Variants in FAM186B observed in about 807,000 individuals in gnomAD.
FAM186B encodes protein FAM186B.
A neutral mutation model predicts 83.4 loss-of-function variants in FAM186B; 68 were observed. The observed-to-expected ratio is 0.81, with a 90% CI of 0.67 to 1.00. The LOEUF (loss-of-function observed/expected upper bound fraction) is 1.00, where lower values mean the gene tolerates loss of function less well. Ranked by LOEUF, FAM186B falls within the 50% of genes least tolerant of loss-of-function variation. The probability of loss-of-function intolerance (pLI) is 0.00; values close to 1 mark genes in which losing one functional copy is unlikely to be tolerated. For synonymous variants in FAM186B, 389 were observed against 422.0 expected (o/e 0.92, Z 0.96); for missense variants, 983 against 1,099.2 (o/e 0.89, Z 1.49).
chr12:49,602,960 C>T (rs1437399162), intron 3 of FAM186B, among the ~76,000 whole-genome samples: 1 of 152,204 alleles, frequency 6.6e-6, no homozygotes, highest in Non-Finnish European at 1.5e-5. Context: ...ACACCAGAGA[C>T]CTGTCTCCAC....
At chr12:49,616,156 A>G in the FAM186B span, among the ~76,000 whole-genome samples, 2 of 152,008 alleles carry the variant, frequency 1.3e-5, no homozygotes, top group Admixed American at 6.6e-5. Context: ...CAGCCTCCCA[A>G]GTAGCTGGGA....
At chr12:49,589,508 TG>T (rs1201869679) in intron 5 of FAM186B, among the ~76,000 whole-genome samples, 1 of 152,182 alleles carries the variant, frequency 6.6e-6, no homozygotes, top group African/African-American at 2.4e-5. Context: ...ATATGAAAGA[TG>T]GATATGGATA....
At chr12:49,593,740 A>G (rs1193915820) in intron 5 of FAM186B, among the ~76,000 whole-genome samples, 1 of 152,128 alleles carries the variant, frequency 6.6e-6, no homozygotes, top group Admixed American at 6.6e-5. Context: ...TGGGAGGTCA[A>G]GGTGGCAGGA....
At position 49,600,649 on chromosome 12, in the gene FAM186B, G is replaced by A. The variant is rs1434631801; in HGVS notation, c.991C>T (p.Leu331=). ...GGGGAGTCAACAGAAACCTCAGCCA[G>A]GTCTTCTGCCTGACCTGTAGCATTC... ...AQNATGQAED[L]AEVSVDSPGP... is the part of the protein sequence containing the mutation. Residue 331 remains leucine, a synonymous_variant, in exon 4 of 7, where the codon CTG becomes TTG. Transcript: ENST00000257894. This position sits in a 1 kb window ranked among gnomAD's most constrained non-coding sequence, Gnocchi z 4.3. The A allele has an allele frequency of 1.2e-6, 2 of 1,613,810 alleles. No homozygotes were observed. The highest frequency in any genetic ancestry group is 1.7e-6 in the Non-Finnish European group (2 of 1,179,918).
At chr12:49,599,345 T>C in intron 4 of FAM186B, 124 bp downstream of exon 4, 5 of 1,384,556 alleles carry the variant, frequency 3.6e-6, no homozygotes, top group Non-Finnish European at 2.8e-6. Context: ...CAGGAGACCC[T>C]GTCCAGGCCT....
chr12:49,609,923 G>A (rs941303520), upstream of FAM186B, among the ~76,000 whole-genome samples: 1 of 152,190 alleles, frequency 6.6e-6, no homozygotes, highest in African/African-American at 2.4e-5. Flanking sequence ...GCAACAGAGA[G>A]CTTCTGCCAG....
At position 49,598,929 on chromosome 12, in the gene FAM186B, A is replaced by C; in HGVS notation, c.2190T>G (p.His730Gln). The C allele has an allele frequency of 6.2e-7, 1 of 1,613,580 alleles. No individual in the cohort carries two copies. The highest frequency in any genetic ancestry group is 8.5e-7 in the Non-Finnish European group (1 of 1,179,924). ...LQSLRQEAINHVQIMKETEAS... is the reference protein window; with the variant it reads ...LQSLRQEAINQVQIMKETEAS... ...CCTCCGTTTCTTTCATGATTTGTACATGGTTGATCGCTTCTTGCCTGGGAA... is the reference window on the plus strand; with the variant it reads ...CCTCCGTTTCTTTCATGATTTGTACCTGGTTGATCGCTTCTTGCCTGGGAA... Residue 730 changes from histidine to glutamine, a missense_variant, in exon 5 of 7, where the codon CAT becomes CAG. Physicochemically the swap from His to Gln is conservative, Grantham distance 24. Transcript: ENST00000257894.
chr12:49,604,228 A>G, intron 2 of FAM186B, 85 bp downstream of exon 2: 1 of 1,028,098 alleles, frequency 9.7e-7, no homozygotes, highest in Non-Finnish European at 1.5e-6. Context: ...TTCACTGGAG[A>G]AGGGGATGTG....
In FAM186B at chr12:49,603,427, AG is replaced by A. The variant is rs140851256; in HGVS notation, c.323-61del. On this transcript the variant is annotated intron_variant, in intron 2 of 6. Coordinates refer to ENST00000257894, the MANE Select transcript of FAM186B (RefSeq NM_032130.3). ...GTCTGTCCTCCAGGGGGACACAGAC[AG>A]CCCTATAGCACAGGGGTTCCAGCAG... 4,667 of 1,550,578 alleles carry A rather than the reference AG, an allele frequency of 3.0e-3. 115 individuals carry two copies. In the African/African-American group the frequency reaches 0.056, roughly 18 times the overall value.
chr12:49,590,060 T>C (rs12298155), intron 5 of FAM186B, among the ~76,000 whole-genome samples: 663 of 150,770 alleles, frequency 4.4e-3, no homozygotes, highest in African/African-American at 0.016. Context: ...TCAGCTGTTA[T>C]CTCTTTGGCC....
downstream of FAM186B, among the ~76,000 whole-genome samples, chr12:49,585,126 C>G (rs974162972): frequency 6.6e-6 from 1 of 152,204 alleles, no homozygotes; most frequent in Non-Finnish European, 1.5e-5. Context: ...TCACACCACT[C>G]TCCTGCCTCA....
downstream of FAM186B, chr12:49,584,536 C>T: frequency 1.4e-6 from 1 of 702,362 alleles, no homozygotes; most frequent in Non-Finnish European, 2.6e-6. Context: ...CAGGGAGTGA[C>T]TCGCTTGACT....
At chr12:49,605,251 C>A in intron 1 of FAM186B, 131 bp downstream of exon 1, 1 of 1,519,432 alleles carries the variant, frequency 6.6e-7, no homozygotes, top group Non-Finnish European at 8.8e-7. Context: ...AATCTGTCTG[C>A]AGACCCAGGT....
chr12:49,588,909 GC>G (rs1939513427), intron 5 of FAM186B, among the ~76,000 whole-genome samples: 1 of 152,224 alleles, frequency 6.6e-6, no homozygotes, highest in Non-Finnish European at 1.5e-5. Context: ...AACCAGAGCA[GC>G]TGGAACCCAT....
chr12:49,592,413 A>G lies in FAM186B; in HGVS notation c.2365-3790T>C, dbSNP rs367658969. Among the ~76,000 whole-genome samples the G allele has an allele frequency of 2.6e-5, 4 of 152,176 alleles. No individual in the cohort carries two copies. The South Asian group carries it at 6.2e-4, about 24-fold the overall frequency. ...CTTGAACCTGGGAGTTGGAGGTTGC[A>G]GTGAGCCGAGATCATGCCACTGCAC... On this transcript the variant is annotated intron_variant, in intron 5 of 6. Coordinates refer to ENST00000257894, the MANE Select transcript of FAM186B (RefSeq NM_032130.3).
At chr12:49,595,454 T>C in intron 5 of FAM186B, 1 of 485,012 alleles carries the variant, frequency 2.1e-6, no homozygotes, top group Non-Finnish European at 4.1e-6. Context: ...CCTACTGCTC[T>C]GATGGCTCAT....
chr12:49,609,750 T>G (rs1940064929), upstream of FAM186B, among the ~76,000 whole-genome samples: 1 of 152,200 alleles, frequency 6.6e-6, no homozygotes, highest in Non-Finnish European at 1.5e-5. Context: ...CTCTGGGCAC[T>G]GGGTGGCAGC....
chr12:49,615,537 T>A, the FAM186B span, among the ~76,000 whole-genome samples: 1 of 152,208 alleles, frequency 6.6e-6, no homozygotes, highest in East Asian at 1.9e-4. Context: ...ACGCCTGTAA[T>A]CCCAGTACTT....
chr12:49,590,723 T>A (rs1388456743), intron 5 of FAM186B, among the ~76,000 whole-genome samples: 1 of 151,880 alleles, frequency 6.6e-6, no homozygotes, highest in Non-Finnish European at 1.5e-5. Flanking sequence ...ATTAAGAGAG[T>A]GAGTGATACC....
Sources: allele counts gnomAD v4.1 joint callset (sites outside exome capture counted in the v4.1 genomes callset), GRCh38; gene constraint gnomAD v4.1.1; non-coding constraint Gnocchi (gnomAD v3.1); transcripts MANE v1.5; gene names NCBI Gene and HGNC (gene_info 2026-07-23, HGNC 2026-07-21).